The following TTC34 variants were observed in gnomAD, a reference collection of about 807,000 sequenced individuals.
TTC34 encodes the protein tetratricopeptide repeat domain 34.
A neutral mutation model predicts 40.7 loss-of-function variants in TTC34; 44 were observed. That is an observed-to-expected ratio of 1.08 (90% CI 0.85 to 1.39). The LOEUF is 1.39. Ranked by LOEUF, TTC34 falls within the 40% of genes most tolerant of loss-of-function variation. The pLI is 0.00. For missense variants in TTC34, 884 were observed against 838.0 expected, an observed-to-expected ratio of 1.05 and a Z score of -0.68; for synonymous variants, 422 against 398.6, an observed-to-expected ratio of 1.06 and a Z score of -0.70.
Position 2,789,867 on chromosome 1 carries a change from C to CGCGCAGAGCCAGGAGAGGT in TTC34, c.1245_1263dup (p.Gly422ThrfsTer156). On this transcript the variant is annotated frameshift_variant, in exon 3 of 9. Transcript: ENST00000401095. LOFTEE classifies it high-confidence loss of function. ...TCCCCGGCGTGCAGCGCGCAGAAGC[C>CGCGCAGAGCCAGGAGAGGT]GCGCAGAGCCAGGAGAGGTGCGCGG... 2.4e-6 allele frequency: 1 copy of CGCGCAGAGCCAGGAGAGGT among 423,308 alleles called. No individual in the cohort carries two copies. Among genetic ancestry groups the CGCGCAGAGCCAGGAGAGGT allele is most frequent in the East Asian group, 3.6e-5 (1 of 28,018 alleles). 26.2% of individuals were successfully genotyped at this position (423,308 alleles called of 1,614,324 possible).
At chr1:2,773,052 G>GGTGAGCCTCTGACAGCCTGGAGCAGCACC (rs1642533908) in intron 6 of TTC34, among the ~76,000 whole-genome samples, 2 of 114,224 alleles carry the variant, frequency 1.8e-5, no homozygotes, top group Admixed American at 8.8e-5. Flanking sequence ...GGAGCAGCAC[G>GGTGAGCCTCTGACAGCCTGGAGCAGCACC]CACACCCCCA....
chr1:2,686,991 A>C, intron 6 of TTC34, among the ~76,000 whole-genome samples: 1 of 121,704 alleles, frequency 8.2e-6, no homozygotes, highest in African/African-American at 3.6e-5. Context: ...CCAGCCTGGA[A>C]AAGCACCCAC....
intron 6 of TTC34, among the ~76,000 whole-genome samples, chr1:2,681,146 C>A (rs1243537247): frequency 4.5e-5 from 5 of 111,442 alleles, no homozygotes; most frequent in Non-Finnish European, 5.8e-5. Flanking sequence ...ACCCACAGCC[C>A]AAGGTGAGCA....
chr1:2,645,587 G>GGGGGGCCC lies in TTC34; in HGVS notation c.2227-25_2227-24insGGGCCCCC. The GGGGGGCCC allele has an allele frequency of 1.3e-5, 3 of 229,526 alleles. No homozygotes were observed. Among genetic ancestry groups the GGGGGGCCC allele is most frequent in the Non-Finnish European group, 2.6e-5 (3 of 116,450 alleles). The allele number at this position is 229,526 out of a possible 1,614,324, so 14.2% of individuals were successfully genotyped here. ...TCCTGCAAGGAGGGAGGGCGGGCGGGTGCAGAGTTGTCCTAAGTAGAGAAA... is the reference window on the plus strand; with the variant it reads ...TCCTGCAAGGAGGGAGGGCGGGCGGGGGGGGCCCTGCAGAGTTGTCCTAAGTAGAGAAA... On this transcript the variant is annotated intron_variant, in intron 6 of 8. Transcript: ENST00000401095. This position sits in a 1 kb window ranked among gnomAD's most constrained non-coding sequence, Gnocchi z 4.7.
chr1:2,677,022 ATC>A, intron 6 of TTC34, among the ~76,000 whole-genome samples: 1 of 84,938 alleles, frequency 1.2e-5, no homozygotes, highest in African/African-American at 3.9e-5. Flanking sequence ...CCAGGCCAGC[ATC>A]CGATAACCTG....
chr1:2,790,179 G>T (rs1643647492), exon 3 of TTC34: 1 of 398,416 alleles, frequency 2.5e-6, no homozygotes, highest in Non-Finnish European at 4.4e-6. Context: ...GCCTGAGCCC[G>T]GACGCGCTCC....
chr1:2,660,806 C>G (rs1210224503), intron 6 of TTC34, among the ~76,000 whole-genome samples: 4 of 127,028 alleles, frequency 3.1e-5, no homozygotes, highest in African/African-American at 6.4e-5. Flanking sequence ...AGGTGAGCAT[C>G]TGACAGCCTG....
intron 6 of TTC34, among the ~76,000 whole-genome samples, chr1:2,750,192 C>CA (rs1641269030): frequency 6.7e-6 from 1 of 150,068 alleles, no homozygotes; most frequent in African/African-American, 2.5e-5. Context: ...CAGCCTGGGT[C>CA]GGCACCCACA....
At chr1:2,780,634 TAC>T (rs1369576238) in intron 6 of TTC34, among the ~76,000 whole-genome samples, 5 of 152,222 alleles carry the variant, frequency 3.3e-5, no homozygotes, top group Non-Finnish European at 5.9e-5. Flanking sequence ...TTTTGTGCCA[TAC>T]CACACTATTT....
At chr1:2,675,673 A>C (rs1354427536) in intron 6 of TTC34, among the ~76,000 whole-genome samples, 1 of 132,510 alleles carries the variant, frequency 7.5e-6, no homozygotes, top group Non-Finnish European at 1.6e-5. Flanking sequence ...AGCCTGGAGC[A>C]GCACCCACAC....
At chr1:2,701,738 A>C (rs1641139677) in intron 6 of TTC34, among the ~76,000 whole-genome samples, 2 of 67,002 alleles carry the variant, frequency 3.0e-5, no homozygotes, top group East Asian at 3.7e-4. Context: ...CAGAATTCTC[A>C]AGCCCCAGGT....
chr1:2,790,803 C>T (rs978889413), intron 2 of TTC34, among the ~76,000 whole-genome samples: 2 of 152,200 alleles, frequency 1.3e-5, no homozygotes, highest in African/African-American at 2.4e-5. Flanking sequence ...TTGCAGTGGC[C>T]ATTTATTCCT....
At chr1:2,759,555 A>G (rs1379792965) in intron 6 of TTC34, among the ~76,000 whole-genome samples, 3 of 149,278 alleles carry the variant, frequency 2.0e-5, no homozygotes, top group Non-Finnish European at 2.9e-5. Context: ...AACAGCACCC[A>G]CACTCCCAGA....
intron 8 of TTC34, among the ~76,000 whole-genome samples, chr1:2,643,014 C>T (rs1174421192): frequency 6.6e-6 from 1 of 152,230 alleles, no homozygotes; most frequent in African/African-American, 2.4e-5. Flanking sequence ...ACCCGTAGTT[C>T]ACGGCCCGGG....
At chr1:2,653,429 C>T (rs1321115076) in intron 6 of TTC34, among the ~76,000 whole-genome samples, 1 of 150,206 alleles carries the variant, frequency 6.7e-6, no homozygotes, top group African/African-American at 2.5e-5. Flanking sequence ...CATCTGACAG[C>T]CTGGAACACC....
rs556831648 is a variant in TTC34 at position 2,695,113 on chromosome 1, C to T, written c.2227-49550G>A. Among the ~76,000 whole-genome samples, 78 of 80,470 alleles carry T rather than the reference C, an allele frequency of 9.7e-4. 1 individual carries two copies. Among genetic ancestry groups the T allele is most frequent in the Non-Finnish European group, 1.3e-3 (46 of 35,012 alleles). 52.8% of individuals were successfully genotyped at this position (80,470 alleles called of 152,430 possible). ...CTGACAACCTGGAACAGCACCCATA[C>T]GCCAAGATGAGCATCTGACAGCGTG... On this transcript the variant is annotated intron_variant, in intron 6 of 8. Transcript: ENST00000401095.
intron 2 of TTC34, among the ~76,000 whole-genome samples, chr1:2,793,180 T>C (rs1427300107): frequency 6.6e-6 from 1 of 152,232 alleles, no homozygotes; most frequent in African/African-American, 2.4e-5. Flanking sequence ...GGTTTACTTA[T>C]TAATTTTTTT....
At chr1:2,657,400 C>T (rs1200353110) in intron 6 of TTC34, among the ~76,000 whole-genome samples, 2 of 80,742 alleles carry the variant, frequency 2.5e-5, no homozygotes, top group Non-Finnish European at 3.2e-5. Context: ...AGCATCTGAC[C>T]TCCCGGAGCA....
chr1:2,687,986 A>C (rs1640442930), intron 6 of TTC34, among the ~76,000 whole-genome samples: 1 of 93,864 alleles, frequency 1.1e-5, no homozygotes, highest in East Asian at 3.5e-4. Context: ...AGCATCTGAC[A>C]GCCTGGAACA....
Sources: allele counts gnomAD v4.1 joint callset (sites outside exome capture counted in the v4.1 genomes callset), GRCh38; gene constraint gnomAD v4.1.1; non-coding constraint Gnocchi (gnomAD v3.1); transcripts MANE v1.5; gene names NCBI Gene and HGNC (gene_info 2026-07-23, HGNC 2026-07-21).